Variants in SETD9 observed in about 807,000 individuals in gnomAD.
The protein encoded by SETD9 is SET domain containing 9.
SETD9 carries 37 observed loss-of-function variants against 36.4 expected under a neutral mutation model. The observed-to-expected ratio is 1.02, with a 90% CI of 0.78 to 1.34. The LOEUF is 1.34. Among genes scored for constraint, SETD9 ranks in the 40% most tolerant of loss-of-function variants. SETD9 has a pLI of 0.00. For synonymous variants in SETD9, 128 were observed against 132.9 expected (o/e 0.96, Z 0.26); for missense variants, 323 against 353.2 (o/e 0.91, Z 0.69).
At chr5:56,912,180 CG>C (rs1417382660) in intron 2 of SETD9, 130 of 984,180 alleles carry the variant, frequency 1.3e-4, no homozygotes, top group Non-Finnish European at 1.6e-4. Flanking sequence ...AAAAAGCGTA[CG>C]GATCAAAACA....
chr5:56,911,263 T>C lies in SETD9; in HGVS notation c.193T>C (p.Leu65=). The change falls in exon 2 of 6, where the codon TTA becomes CTA. Residue 65 remains leucine (L), a synonymous_variant. Transcript: ENST00000285947. The stretch of plus-strand genomic sequence containing the variant: ...ACTGAAAGTTTTCCAGGCTCTATTC[T>C]TAAATGATTTCAATAAACAATCAGA... ...TLLKVFQALF[L]NDFNKQSEIL... is the part of the protein sequence containing the mutation. The C allele has an allele frequency of 6.2e-7, 1 of 1,610,508 alleles. No homozygotes were observed. The highest frequency in any genetic ancestry group is 8.5e-7 in the Non-Finnish European group (1 of 1,178,708).
chr5:56,923,484 G>A lies in SETD9; in HGVS notation c.813-1849G>A, dbSNP rs758401421. 3.1e-6 allele frequency: 5 copies of A among 1,614,058 alleles called. No homozygotes were observed. The African/African-American group carries it at 5.3e-5, about 17-fold the overall frequency. ...AACTCTTCTGTTACAACAGGCACAT[G>A]ATTAACTTGTCCACGGGGTGTGTTG... On this transcript the variant is annotated intron_variant, in intron 5 of 5. Coordinates refer to the SETD9 transcript ENST00000628593.
exon 6 of SETD9, chr5:56,925,425 G>C (rs1749918584): frequency 2.4e-6 from 1 of 420,140 alleles, no homozygotes; most frequent in Non-Finnish European, 4.7e-6. Context: ...AGGAGACAAG[G>C]TTAATACACA....
chr5:56,926,432 A>G (rs115382349), downstream of SETD9, among the ~76,000 whole-genome samples: 4 of 152,208 alleles, frequency 2.6e-5, no homozygotes, highest in Non-Finnish European at 5.9e-5. Context: ...TGGGCAAAAA[A>G]TCTGAATGAA....
chr5:56,917,429 C>T (rs773743686), downstream of SETD9: 4 of 633,378 alleles, frequency 6.3e-6, no homozygotes, highest in Non-Finnish European at 7.9e-6. Context: ...ATTTTCTTTA[C>T]TCTTTGAACA....
At chr5:56,911,862 T>A (rs1749147656) in intron 2 of SETD9, among the ~76,000 whole-genome samples, 3 of 152,172 alleles carry the variant, frequency 2.0e-5, no homozygotes, top group Admixed American at 2.0e-4. Context: ...TTGGTTTAAT[T>A]GATAGCTAAG....
intron 2 of SETD9, among the ~76,000 whole-genome samples, chr5:56,912,750 T>A (rs1390607414): frequency 6.6e-6 from 1 of 152,206 alleles, no homozygotes; most frequent in Non-Finnish European, 1.5e-5. Flanking sequence ...CATATACATA[T>A]AAATGTGTAT....
intron 3 of SETD9, 58 bp downstream of exon 3, chr5:56,913,192 T>C: frequency 6.4e-7 from 1 of 1,554,058 alleles, no homozygotes; most frequent in Non-Finnish European, 8.8e-7. Flanking sequence ...CTTACCACAA[T>C]GATTATGACT....
chr5:56,915,409 A>C (rs1340682660), intron 5 of SETD9, among the ~76,000 whole-genome samples: 1 of 152,228 alleles, frequency 6.6e-6, no homozygotes, highest in Non-Finnish European at 1.5e-5. Flanking sequence ...TAAATAAAAA[A>C]GGACTGTATT....
downstream of SETD9, chr5:56,922,165 T>G (rs868352118): frequency 7.2e-5 from 11 of 152,620 alleles, no homozygotes; most frequent in African/African-American, 2.4e-4. Context: ...ACAAACAACT[T>G]AAAAGATGTC....
At chr5:56,923,004 C>T (rs1749745457) in intron 5 of SETD9, 2 of 698,998 alleles carry the variant, frequency 2.9e-6, no homozygotes, top group Non-Finnish European at 4.8e-6. Context: ...TAGTTCTATA[C>T]ATACTGACAT....
At chr5:56,912,957 G>C (rs1457216189) in intron 2 of SETD9, 54 bp from the exon 3 acceptor site, 2 of 1,558,998 alleles carry the variant, frequency 1.3e-6, no homozygotes, top group African/African-American at 1.4e-5. Context: ...TCTTATCGCA[G>C]TGTTTATGAT....
At chr5:56,913,446 C>T (rs933437940) in intron 3 of SETD9, among the ~76,000 whole-genome samples, 7 of 150,464 alleles carry the variant, frequency 4.7e-5, no homozygotes, top group Middle Eastern at 3.2e-3. Flanking sequence ...TGCAACAGTG[C>T]GGTCTCTGCT....
At chr5:56,923,248 G>A (rs750295274) in intron 5 of SETD9, 4 of 1,614,146 alleles carry the variant, frequency 2.5e-6, no homozygotes, top group Non-Finnish European at 3.4e-6. Context: ...CACTGGTGAT[G>A]TGATGTGTGT....
chr5:56,918,971 A>G (rs1267189722), downstream of SETD9, among the ~76,000 whole-genome samples: 2 of 152,222 alleles, frequency 1.3e-5, no homozygotes, highest in African/African-American at 2.4e-5. Context: ...AAGGAAGACT[A>G]GTTGACCATA....
chr5:56,922,881 C>A, intron 5 of SETD9: 1 of 471,938 alleles, frequency 2.1e-6, no homozygotes, highest in Non-Finnish European at 3.8e-6. Context: ...AAGAGAGAAG[C>A]AGAGCTTAAA....
chr5:56,927,511 A>C (rs903748120), downstream of SETD9, among the ~76,000 whole-genome samples: 3 of 152,230 alleles, frequency 2.0e-5, no homozygotes, highest in African/African-American at 7.2e-5. Context: ...TAAACAGAGC[A>C]TATTTTAATG....
chr5:56,912,656 A>T (rs575026933), intron 2 of SETD9, among the ~76,000 whole-genome samples: 2 of 152,302 alleles, frequency 1.3e-5, no homozygotes, highest in East Asian at 3.9e-4. Flanking sequence ...TTATTTAATT[A>T]TTAGCAAAAT....
At chr5:56,910,236 G>T in intron 1 of SETD9, 1 of 1,296,040 alleles carries the variant, frequency 7.7e-7, no homozygotes, top group Non-Finnish European at 1.0e-6. Context: ...AACTTCCTCA[G>T]AAAAGCCAAG....
Sources: gnomAD v4.1 joint callset for allele counts (sites outside exome capture counted in the v4.1 genomes callset) on GRCh38, gnomAD v4.1.1 for gene constraint, MANE v1.5 for transcripts, NCBI Gene and HGNC (gene_info 2026-07-23, HGNC 2026-07-21) for gene names.